Variants in EBAG9 observed in about 807,000 individuals in gnomAD.
The protein encoded by EBAG9 is estrogen receptor binding site associated antigen 9, also known as receptor-binding cancer antigen expressed on SiSo cells.
Under a neutral mutation model 30.9 loss-of-function variants are expected in EBAG9, and 16 were observed. The observed-to-expected ratio is 0.52, with a 90% CI of 0.35 to 0.79. The LOEUF is 0.79. Ranked by LOEUF, EBAG9 falls within the 30% of genes least tolerant of loss-of-function variation. The pLI is 0.01. For synonymous variants in EBAG9, 93 were observed against 82.8 expected, an observed-to-expected ratio of 1.12 and a Z score of -0.67; for missense variants, 197 against 242.1, an observed-to-expected ratio of 0.81 and a Z score of 1.24.
At chr8:109,554,983 TTC>T in intron 4 of EBAG9, 96 bp downstream of exon 4, 1 of 1,319,172 alleles carries the variant, frequency 7.6e-7, no homozygotes, top group Non-Finnish European at 1.0e-6. Context: ...GAAAGCCTAT[TTC>T]TTTTTTTTTT....
intron 1 of EBAG9, among the ~76,000 whole-genome samples, chr8:109,542,393 G>A (rs1383866854): frequency 6.6e-6 from 1 of 152,136 alleles, no homozygotes; most frequent in South Asian, 2.1e-4. Flanking sequence ...TTGGAAAGGT[G>A]ATGGCTGTGG....
chr8:109,563,921 T>C (rs1821762434), intron 6 of EBAG9, among the ~76,000 whole-genome samples: 2 of 152,004 alleles, frequency 1.3e-5, no homozygotes, highest in Admixed American at 6.6e-5. Context: ...TGGTGGAAGG[T>C]GTATCTTAAG....
At chr8:109,553,739 TA>T in intron 2 of EBAG9, 125 bp from the exon 3 acceptor site, 1 of 707,656 alleles carries the variant, frequency 1.4e-6, no homozygotes, top group Non-Finnish European at 2.3e-6. Flanking sequence ...TAACTGTTAC[TA>T]AAATCAATAA....
intron 1 of EBAG9, 45 bp from the exon 2 acceptor site, chr8:109,550,765 T>C (rs1821476779): frequency 8.7e-7 from 1 of 1,151,882 alleles, no homozygotes; most frequent in Non-Finnish European, 1.3e-6. Flanking sequence ...AGTATGACTT[T>C]TGAAATCAAT....
At chr8:109,547,862 T>C (rs1482103414) in intron 1 of EBAG9, among the ~76,000 whole-genome samples, 1 of 152,230 alleles carries the variant, frequency 6.6e-6, no homozygotes, top group Admixed American at 6.5e-5. Flanking sequence ...TTTTGAATTT[T>C]GAGAGGTTCT....
Position 109,564,635 on chromosome 8 carries a change from G to A in EBAG9, c.*76G>A. 3 of 1,576,890 alleles carry A rather than the reference G, an allele frequency of 1.9e-6. No individual in the cohort carries two copies. On this transcript the variant is annotated 3_prime_UTR_variant, in exon 7 of 7. Transcript: ENST00000337573. Reference sequence around the variant, plus strand: ...CCAAGCAACATTTGTATGGATTTAAGAGTATTTTAAGAAGACATACTGCTT... The same window carrying A: ...CCAAGCAACATTTGTATGGATTTAAAAGTATTTTAAGAAGACATACTGCTT...
At chr8:109,552,496 A>G (rs1439742190) in intron 2 of EBAG9, among the ~76,000 whole-genome samples, 1 of 152,202 alleles carries the variant, frequency 6.6e-6, no homozygotes, top group Admixed American at 6.5e-5. Flanking sequence ...AACATTAAAA[A>G]TGGGTATTAA....
At position 109,553,867 on chromosome 8, in the gene EBAG9, C is replaced by G. The variant is rs1284667644; in HGVS notation, c.86C>G (p.Ser29Cys). 2 of 1,606,094 alleles carry G rather than the reference C, an allele frequency of 1.2e-6. No homozygotes were observed. Among genetic ancestry groups the G allele is most frequent in the African/African-American group, 2.7e-5 (2 of 74,452 alleles). The change falls in exon 3 of 7, where the codon TCT becomes TGT. Residue 29 changes from serine to cysteine, a missense_variant and splice_region_variant. Physicochemically the swap from Ser to Cys is moderately radical, Grantham distance 112. Transcript: ENST00000337573. ...AAATTATTTCATTTTTGTTTCAGAT[C>G]TGGCAGAGGACGGAAATTAAGTGGA... Reference protein sequence around the residue: ...FSFLKRLICRSGRGRKLSGDQ... With the variant: ...FSFLKRLICRCGRGRKLSGDQ...
At position 109,564,839 on chromosome 8, in the gene EBAG9, T is replaced by A. The variant is rs1361055568; in HGVS notation, c.*280T>A. The A allele has an allele frequency of 1.2e-5, 3 of 254,764 alleles. No individual in the cohort carries two copies. Among genetic ancestry groups the A allele is most frequent in the African/African-American group, 2.3e-5 (1 of 44,310 alleles). The allele number at this position is 254,764 out of a possible 1,614,324, so 15.8% of individuals were successfully genotyped here. ...AAGTATCACAAATGGAATATATCAGTACCTCTCAAGCTAGTGTTTCTAGCT... is the reference window on the plus strand; with the variant it reads ...AAGTATCACAAATGGAATATATCAGAACCTCTCAAGCTAGTGTTTCTAGCT... On this transcript the variant is annotated 3_prime_UTR_variant, in exon 7 of 7. Transcript: ENST00000337573.
chr8:109,553,291 A>G (rs979616161), intron 2 of EBAG9, among the ~76,000 whole-genome samples: 3 of 152,244 alleles, frequency 2.0e-5, no homozygotes, highest in African/African-American at 7.2e-5. Context: ...TAGACATAAT[A>G]GAAGTAACAT....
At chr8:109,552,864 G>A (rs1171486905) in intron 2 of EBAG9, among the ~76,000 whole-genome samples, 2 of 152,128 alleles carry the variant, frequency 1.3e-5, no homozygotes, top group Admixed American at 6.5e-5. Flanking sequence ...GGGAGGCCGA[G>A]GGGGTAGGAT....
chr8:109,557,273 G>A (rs975898294), intron 5 of EBAG9, among the ~76,000 whole-genome samples: 3 of 152,134 alleles, frequency 2.0e-5, no homozygotes, highest in African/African-American at 7.2e-5. Flanking sequence ...ATGAAAGATA[G>A]AGATACAATG....
chr8:109,543,798 A>T (rs1821328063), intron 1 of EBAG9, among the ~76,000 whole-genome samples: 1 of 152,192 alleles, frequency 6.6e-6, no homozygotes, highest in African/African-American at 2.4e-5. Context: ...TGGGAGGCTG[A>T]GGCAGGCAGA....
chr8:109,545,120 G>C (rs551179092), intron 1 of EBAG9, among the ~76,000 whole-genome samples: 123 of 151,916 alleles, frequency 8.1e-4, no homozygotes, highest in African/African-American at 2.8e-3. Flanking sequence ...TCAAGAGCTC[G>C]AGATTAGCCT....
intron 6 of EBAG9, among the ~76,000 whole-genome samples, chr8:109,562,948 A>G (rs1020615429): frequency 1.3e-5 from 2 of 152,064 alleles, no homozygotes; most frequent in African/African-American, 4.8e-5. Flanking sequence ...TATTTCAGCT[A>G]GTAACCAGGT....
chr8:109,555,922 C>G (rs756684886), intron 4 of EBAG9, among the ~76,000 whole-genome samples: 16 of 152,058 alleles, frequency 1.1e-4, no homozygotes, highest in Non-Finnish European at 2.4e-4. Flanking sequence ...AACAGCCACT[C>G]AATAATTTTC....
At chr8:109,563,431 C>T in intron 6 of EBAG9, 1 of 1,597,690 alleles carries the variant, frequency 6.3e-7, no homozygotes, top group Non-Finnish European at 8.5e-7. Context: ...CTGCTCTCTC[C>T]TGTTTCATCA....
In EBAG9 at chr8:109,556,895, G is replaced by A. The variant is rs182265187; in HGVS notation, c.322-40G>A. 4 of 1,139,350 alleles carry A rather than the reference G, an allele frequency of 3.5e-6. No individual in the cohort carries two copies. The East Asian group carries it at 8.0e-5, about 23-fold the overall frequency. 70.6% of individuals were successfully genotyped at this position (1,139,350 alleles called of 1,614,324 possible). A position where few individuals can be genotyped will look rare whatever the true frequency, so the allele number is the denominator to read the frequency against. ...GTTGTCTATTTTTATGTAGTGATTT[G>A]TAAAAGATCCCTATAATTCTTTTTC... On this transcript the variant is annotated intron_variant, in intron 4 of 6. Transcript: ENST00000337573.
chr8:109,561,882 A>G (rs1243475627), intron 6 of EBAG9, among the ~76,000 whole-genome samples: 1 of 143,960 alleles, frequency 6.9e-6, no homozygotes, highest in Non-Finnish European at 1.5e-5. Flanking sequence ...TTTGAAATAT[A>G]TCAAGCCCTT....
Sources: allele counts gnomAD v4.1 joint callset (sites outside exome capture counted in the v4.1 genomes callset), GRCh38; gene constraint gnomAD v4.1.1; transcripts MANE v1.5; gene names NCBI Gene and HGNC (gene_info 2026-07-23, HGNC 2026-07-21).